MRPS6: variants seen among roughly 807,000 people sequenced by gnomAD.
MRPS6 encodes the protein small ribosomal subunit protein bS6m.
Under a neutral mutation model 13.1 loss-of-function variants are expected in MRPS6, and 6 were observed. The observed-to-expected ratio is 0.46, with a 90% CI of 0.25 to 0.91. The LOEUF is 0.91. Among genes scored for constraint, MRPS6 ranks in the 40% least tolerant of loss-of-function variants. The pLI, the probability that MRPS6 is intolerant of heterozygous loss-of-function variation, is 0.18. For missense variants in MRPS6, 164 were observed against 155.6 expected (o/e 1.05, Z -0.29); for synonymous variants, 61 against 56.5 (o/e 1.08, Z -0.36).
intron 1 of MRPS6, chr21:34,124,290 T>C (rs1448003869): frequency 6.6e-6 from 1 of 152,224 alleles, no homozygotes; most frequent in Non-Finnish European, 1.5e-5. Flanking sequence ...AGCCACCAGA[T>C]TGTGGTGCCC....
chr21:34,119,917 A>G (rs1291490380), intron 1 of MRPS6, among the ~76,000 whole-genome samples: 1 of 152,024 alleles, frequency 6.6e-6, no homozygotes, highest in African/African-American at 2.4e-5. Flanking sequence ...CATTCTTCCC[A>G]CCTTTTTGCT....
At chr21:34,107,335 T>C (rs1979520322) in intron 1 of MRPS6, among the ~76,000 whole-genome samples, 1 of 152,216 alleles carries the variant, frequency 6.6e-6, no homozygotes, top group Non-Finnish European at 1.5e-5. Flanking sequence ...CTATGCATTT[T>C]TGGCAGAAAT....
At chr21:34,134,562 A>C (rs1012045842) in intron 2 of MRPS6, among the ~76,000 whole-genome samples, 2 of 152,216 alleles carry the variant, frequency 1.3e-5, no homozygotes, top group Non-Finnish European at 2.9e-5. Flanking sequence ...ATAAGGTTTG[A>C]CATATGTATA....
In MRPS6 at chr21:34,104,640, A is replaced by T. The variant is rs553687910; in HGVS notation, c.46-20701A>T. ...GGAGAGATTATTCTTGCCAGCAAAA[A>T]GCTAGCCAGGAATGAGCCTACCACA... On this transcript the variant is annotated intron_variant, in intron 1 of 2. Transcript: ENST00000399312. The T allele has an allele frequency of 1.4e-5, 14 of 1,000,254 alleles. No homozygotes were observed. The South Asian group carries it at 6.1e-4, about 44-fold the overall frequency. 62.0% of individuals were successfully genotyped at this position (1,000,254 alleles called of 1,614,324 possible). A position where few individuals can be genotyped will look rare whatever the true frequency, so the allele number is the denominator to read the frequency against.
chr21:34,092,713 C>T (rs1330774033), intron 1 of MRPS6, among the ~76,000 whole-genome samples: 5 of 152,174 alleles, frequency 3.3e-5, no homozygotes, highest in Admixed American at 2.6e-4. Context: ...GCACTTTGTT[C>T]TCTGAACAAA....
chr21:34,100,829 G>A, intron 1 of MRPS6: 1 of 1,000,234 alleles, frequency 1.0e-6, no homozygotes, highest in Non-Finnish European at 1.2e-6. Context: ...GGTGTGGCCT[G>A]TGGGTTATTT....
intron 1 of MRPS6, among the ~76,000 whole-genome samples, chr21:34,108,879 G>T (rs1331875701): frequency 6.6e-6 from 1 of 152,118 alleles, no homozygotes; most frequent in East Asian, 1.9e-4. Flanking sequence ...CTGGCCCTTG[G>T]TGGGTTCTTT....
At chr21:34,126,118 A>T (rs13047185) in intron 2 of MRPS6, among the ~76,000 whole-genome samples, 4 of 152,116 alleles carry the variant, frequency 2.6e-5, no homozygotes, top group Non-Finnish European at 5.9e-5. Context: ...AGAAGATGGG[A>T]ATCAGGTTTT....
At chr21:34,104,121 C>G (rs888489069) in intron 1 of MRPS6, 2 of 999,660 alleles carry the variant, frequency 2.0e-6, no homozygotes, top group African/African-American at 3.5e-5. Flanking sequence ...ATGAAGTTAC[C>G]TTTATTTTTT....
intron 1 of MRPS6, chr21:34,105,078 G>A: frequency 1.0e-6 from 1 of 999,990 alleles, no homozygotes; most frequent in East Asian, 1.1e-4. Context: ...TTATTAAAAT[G>A]CAAAAGCTTT....
At chr21:34,077,614 A>G (rs544422578) in intron 1 of MRPS6, among the ~76,000 whole-genome samples, 1 of 151,344 alleles carries the variant, frequency 6.6e-6, no homozygotes, top group South Asian at 2.1e-4. Context: ...AGGAATAAAG[A>G]AGATAGCTAT....
chr21:34,130,063 C>T (rs562574154), intron 2 of MRPS6, among the ~76,000 whole-genome samples: 18 of 152,324 alleles, frequency 1.2e-4, no homozygotes, highest in African/African-American at 4.1e-4. Context: ...TGTTTCCTAT[C>T]TTCAAAAAGG....
At chr21:34,094,443 C>G (rs1423313972) in intron 1 of MRPS6, among the ~76,000 whole-genome samples, 3 of 152,164 alleles carry the variant, frequency 2.0e-5, no homozygotes, top group Admixed American at 1.3e-4. Flanking sequence ...CCCAAACTCT[C>G]TTAGGATTCA....
intron 2 of MRPS6, among the ~76,000 whole-genome samples, chr21:34,137,332 GTTTC>G (rs1018481375): frequency 2.2e-4 from 33 of 152,038 alleles, no homozygotes; most frequent in African/African-American, 7.5e-4. Flanking sequence ...GATAGATTTT[GTTTC>G]TTTCAGCAGC....
Position 34,098,827 on chromosome 21 carries a change from A to G in MRPS6, c.45+25082A>G, listed in dbSNP as rs7276760. ...GTACTTCTGTGTCTTCGTATGCTCA[A>G]CACTGTCCTTTGTCCTCCATGAAAG... On this transcript the variant is annotated intron_variant, in intron 1 of 2. Coordinates refer to ENST00000399312, the MANE Select transcript of MRPS6 (RefSeq NM_032476.4). 1.6e-3 allele frequency: 1,614 copies of G among 1,000,014 alleles called. 24 individuals are homozygous for G. In the African/African-American group the frequency reaches 0.026, roughly 16 times the overall value. 61.9% of individuals were successfully genotyped at this position (1,000,014 alleles called of 1,614,324 possible).
At position 34,142,528 on chromosome 21, in the gene MRPS6, AAAAG is replaced by A. The variant is rs1302578672; in HGVS notation, c.309_312del (p.Lys103AsnfsTer54). On this transcript the variant is annotated frameshift_variant, in exon 3 of 3. Coordinates refer to ENST00000399312, the MANE Select transcript of MRPS6 (RefSeq NM_032476.4). LOFTEE classifies it high-confidence loss of function. ...TCAAACACCCTCTGACCCAGGAACT[AAAAG>A]AATGTGAAGGGATTGTCCCAGTCCC... 6.2e-7 allele frequency: 1 copy of A among 1,613,702 alleles called. No individual in the cohort carries two copies. Among genetic ancestry groups the A allele is most frequent in the Non-Finnish European group, 8.5e-7 (1 of 1,179,874 alleles).
At chr21:34,108,283 A>C (rs750658180) in intron 1 of MRPS6, among the ~76,000 whole-genome samples, 3 of 152,094 alleles carry the variant, frequency 2.0e-5, no homozygotes, top group Non-Finnish European at 4.4e-5. Context: ...TTTATCTTTT[A>C]TACCATATTT....
intron 1 of MRPS6, chr21:34,097,022 C>T: frequency 1.9e-6 from 3 of 1,614,080 alleles, no homozygotes; most frequent in Non-Finnish European, 2.5e-6. Context: ...TGTTGGTAAC[C>T]TGCAGAGAGG....
At chr21:34,099,477 A>C in intron 1 of MRPS6, 4 of 1,000,050 alleles carry the variant, frequency 4.0e-6, no homozygotes, top group Non-Finnish European at 4.8e-6. Context: ...TTTCAAATTA[A>C]CATTAAGTTG....
Sources: gnomAD v4.1 joint callset for allele counts (sites outside exome capture counted in the v4.1 genomes callset) on GRCh38, gnomAD v4.1.1 for gene constraint, MANE v1.5 for transcripts, NCBI Gene and HGNC (gene_info 2026-07-23, HGNC 2026-07-21) for gene names.